Variants in TMEM63A observed in about 807,000 individuals in gnomAD.
The protein encoded by TMEM63A is transmembrane protein 63A, also known as mechanosensitive cation channel TMEM63A.
Under a neutral mutation model 100.6 loss-of-function variants are expected in TMEM63A, and 76 were observed. That is an observed-to-expected ratio of 0.76 (90% confidence interval 0.63 to 0.91). The LOEUF is 0.91. Ranked by LOEUF, TMEM63A falls within the 40% of genes least tolerant of loss-of-function variation. The pLI, the probability that TMEM63A is intolerant of heterozygous loss-of-function variation, is 0.00. For synonymous variants in TMEM63A, 401 were observed against 401.1 expected, an observed-to-expected ratio of 1.00 and a Z score of 0.00; for missense variants, 876 against 1,008.8, an observed-to-expected ratio of 0.87 and a Z score of 1.78.
At chr1:225,843,000 C>G (rs960735202), downstream of TMEM63A, among the ~76,000 whole-genome samples, 3 of 152,208 alleles carry the variant, frequency 2.0e-5, no homozygotes, top group African/African-American at 7.2e-5. Flanking sequence ...GGGCCCATCC[C>G]TTTATTCCTT....
At chr1:225,844,461 G>A, downstream of TMEM63A, 3 of 1,480,334 alleles carry the variant, frequency 2.0e-6, no homozygotes, top group Middle Eastern at 5.6e-4. Flanking sequence ...AACTGCATGT[G>A]GCACTGAGAG....
At position 225,848,983 on chromosome 1, in the gene TMEM63A, A is replaced by G; in HGVS notation, c.2101T>C (p.Phe701Leu). Residue 701 changes from phenylalanine (F) to leucine (L), a missense_variant, in exon 22 of 25, where the codon TTC (phenylalanine) becomes CTC (leucine). By Grantham distance (22) the Phe-to-Leu change is conservative. Transcript: ENST00000366835. Reference sequence around the variant, plus strand: ...AGGATGGTGAGCAGCAGCACCAGGAAGGTGAACAGAGTGGCGGGGGCCTTC... The same window carrying G: ...AGGATGGTGAGCAGCAGCACCAGGAGGGTGAACAGAGTGGCGGGGGCCTTC... ...GMKAPATLFT[F>L]LVLLLTILVC... 7.2e-7 allele frequency: 1 copy of G among 1,398,466 alleles called. No individual in the cohort carries two copies. The highest frequency in any genetic ancestry group is 9.6e-7 in the Non-Finnish European group (1 of 1,045,676). 86.6% of individuals were successfully genotyped at this position (1,398,466 alleles called of 1,614,324 possible). A position where few individuals can be genotyped will look rare whatever the true frequency, so the allele number is the denominator to read the frequency against.
intron 6 of TMEM63A, among the ~76,000 whole-genome samples, chr1:225,869,290 T>C (rs1361879293): frequency 1.3e-5 from 2 of 152,222 alleles, no homozygotes; most frequent in Non-Finnish European, 2.9e-5. Context: ...CTCAGAAATA[T>C]GCCTGTTCAT....
chr1:225,859,264 T>C lies in TMEM63A; in HGVS notation c.1309A>G (p.Thr437Ala), dbSNP rs149848059. The change falls in exon 15 of 25, where the codon ACC (threonine) becomes GCC (alanine). Residue 437 changes from threonine (T) to alanine (A), a missense_variant. By Grantham distance (58) the Thr-to-Ala change is moderately conservative. This residue lies in a region of TMEM63A where 487 missense variants were observed against 581.9 expected (regional missense o/e 0.84). Transcript: ENST00000366835. ...FTLFLGLFFL[T>A]TPSIILSTMD... Reference sequence around the variant, plus strand: ...GTGGACAGGATGATGGAGGGTGTGGTCAGGAAAAATAGCCCCAGGAAGAGG... The same window carrying C: ...GTGGACAGGATGATGGAGGGTGTGGCCAGGAAAAATAGCCCCAGGAAGAGG... The C allele has an allele frequency of 6.6e-4, 1,061 of 1,613,992 alleles. 3 individuals are homozygous for C. The highest frequency in any genetic ancestry group is 3.1e-3 in the Middle Eastern group (19 of 6,062).
At chr1:225,874,184 C>T in intron 4 of TMEM63A, 104 bp downstream of exon 4, 1 of 1,152,488 alleles carries the variant, frequency 8.7e-7, no homozygotes, top group South Asian at 1.5e-5. Context: ...CACACACACA[C>T]TATACACACA....
intron 23 of TMEM63A, chr1:225,848,115 T>C (rs564394714): frequency 4.8e-6 from 1 of 209,474 alleles, no homozygotes; most frequent in African/African-American, 2.3e-5. Context: ...TGGAGCCTAG[T>C]GGAGGACCTC....
rs993149146 is a variant in TMEM63A at position 225,865,748 on chromosome 1, C to T, written c.746+149G>A. Reference sequence around the variant, plus strand: ...TGGCACACAGGAGCCACTCCATACACGTGTGGCAGGGCCAGGTCCTTCTCA... The same window carrying T: ...TGGCACACAGGAGCCACTCCATACATGTGTGGCAGGGCCAGGTCCTTCTCA... On this transcript the variant is annotated intron_variant, in intron 10 of 24. Coordinates refer to ENST00000366835, the MANE Select transcript of TMEM63A (RefSeq NM_014698.3). The surrounding 1 kb of genome is among the most constrained non-coding windows in gnomAD (Gnocchi z 4.6). 2.2e-5 allele frequency: 16 copies of T among 736,714 alleles called. No individual in the cohort carries two copies. Among genetic ancestry groups the T allele is most frequent in the East Asian group, 1.1e-4 (4 of 36,408 alleles). 45.6% of individuals were successfully genotyped at this position (736,714 alleles called of 1,614,324 possible).
Position 225,882,341 on chromosome 1 carries a change from G to A in TMEM63A, c.-243C>T, listed in dbSNP as rs1005639286. On this transcript the variant is annotated 5_prime_UTR_variant, in exon 1 of 25. Transcript: ENST00000366835. ...CGTGTCTGGCGGGACCCAGCAGCGC[G>A]GGGCGTGTTCCGACCACTTAAAAGT... The A allele has an allele frequency of 1.3e-5, 2 of 152,674 alleles. No individual in the cohort carries two copies. The highest frequency in any genetic ancestry group is 4.8e-5 in the African/African-American group (2 of 41,480). The allele number at this position is 152,674 out of a possible 1,614,324, so 9.5% of individuals were successfully genotyped here.
At chr1:225,876,654 TTG>T (rs1559052681) in intron 3 of TMEM63A, among the ~76,000 whole-genome samples, 32 of 39,386 alleles carry the variant, frequency 8.1e-4, no homozygotes, top group East Asian at 7.4e-3. Context: ...TTTTGTTTTT[TTG>T]GTTTTTTTTG....
intron 18 of TMEM63A, among the ~76,000 whole-genome samples, chr1:225,854,280 G>A (rs1039477909): frequency 1.2e-4 from 19 of 152,228 alleles, no homozygotes; most frequent in African/African-American, 3.9e-4. Flanking sequence ...AGCAGTGGGC[G>A]AGGGGAGGCA....
At chr1:225,869,488 A>T (rs900810637) in intron 6 of TMEM63A, among the ~76,000 whole-genome samples, 1 of 152,052 alleles carries the variant, frequency 6.6e-6, no homozygotes, top group African/African-American at 2.4e-5. Flanking sequence ...CATTTACAAC[A>T]TGCTCTCACA....
chr1:225,848,475 T>A lies in TMEM63A; in HGVS notation c.2250+17A>T. 1 of 1,613,762 alleles carries A rather than the reference T, an allele frequency of 6.2e-7. No individual in the cohort carries two copies. The highest frequency in any genetic ancestry group is 8.5e-7 in the Non-Finnish European group (1 of 1,179,908). On this transcript the variant is annotated intron_variant, in intron 23 of 24. Coordinates refer to ENST00000366835, the MANE Select transcript of TMEM63A (RefSeq NM_014698.3). ...AAAAAAGGGCGACAAGCTCAGAGGC[T>A]GAGGGGCACAGCTTACTGTGAACGG... is the stretch of plus-strand genomic sequence containing the variant.
rs750164548 is a variant in TMEM63A at position 225,853,827 on chromosome 1, G to T, written c.1635-36C>A. ...CAGGGCCCAGGTCTGTGAGCTGAGA[G>T]CCGCTCTTGGAGGGAGAGGAGGGGC... On this transcript the variant is annotated intron_variant, in intron 18 of 24. Coordinates refer to ENST00000366835, the MANE Select transcript of TMEM63A (RefSeq NM_014698.3). The surrounding 1 kb of genome is among the most constrained non-coding windows in gnomAD (Gnocchi z 4.0). The T allele has an allele frequency of 6.5e-7, 1 of 1,544,666 alleles. No individual in the cohort carries two copies. Among genetic ancestry groups the T allele is most frequent in the Admixed American group, 2.0e-5 (1 of 50,364 alleles).
intron 1 of TMEM63A, among the ~76,000 whole-genome samples, chr1:225,881,645 C>T (rs1671094781): frequency 6.6e-6 from 1 of 152,210 alleles, no homozygotes. Flanking sequence ...GGGTCCGCCA[C>T]GCTGTCCACC....
At position 225,862,394 on chromosome 1, in the gene TMEM63A, T is replaced by C. The variant is rs879725326; in HGVS notation, c.952-43A>G. ...CCATTGGGATGACGTGGCCCCATGC[T>C]GGTATCTGGGGCACCCCGATGCCAA... On this transcript the variant is annotated intron_variant, in intron 12 of 24. Coordinates refer to ENST00000366835, the MANE Select transcript of TMEM63A (RefSeq NM_014698.3). The surrounding 1 kb of genome is among the most constrained non-coding windows in gnomAD (Gnocchi z 5.1). 1 of 1,613,998 alleles carries C rather than the reference T, an allele frequency of 6.2e-7. No homozygotes were observed. The highest frequency in any genetic ancestry group is 8.5e-7 in the Non-Finnish European group (1 of 1,179,836).
chr1:225,854,754 T>C (rs968071432), intron 18 of TMEM63A, among the ~76,000 whole-genome samples: 1 of 152,156 alleles, frequency 6.6e-6, no homozygotes, highest in Non-Finnish European at 1.5e-5. Flanking sequence ...AGCAGTATCA[T>C]GGCATGGAAG....
Position 225,865,796 on chromosome 1 carries a change from G to T in TMEM63A, c.746+101C>A. 1.6e-6 allele frequency: 2 copies of T among 1,222,212 alleles called. No individual in the cohort carries two copies. Among genetic ancestry groups the T allele is most frequent in the South Asian group, 1.3e-5 (1 of 77,166 alleles). The allele number at this position is 1,222,212 out of a possible 1,614,324, so 75.7% of individuals were successfully genotyped here. Reference sequence around the variant, plus strand: ...TCAGATCTCACCTGGATACCCAAGCGAGAGACAGAAGGCGCTCACCTAAGG... The same window carrying T: ...TCAGATCTCACCTGGATACCCAAGCTAGAGACAGAAGGCGCTCACCTAAGG... On this transcript the variant is annotated intron_variant, in intron 10 of 24. Coordinates refer to ENST00000366835, the MANE Select transcript of TMEM63A (RefSeq NM_014698.3). The surrounding 1 kb of genome is among the most constrained non-coding windows in gnomAD (Gnocchi z 4.6).
At position 225,867,090 on chromosome 1, in the gene TMEM63A, T is replaced by C; in HGVS notation, c.566+22A>G. The C allele has an allele frequency of 6.2e-7, 1 of 1,613,880 alleles. No homozygotes were observed. The highest frequency in any genetic ancestry group is 8.5e-7 in the Non-Finnish European group (1 of 1,179,886). ...CCTTGATCTCACCCATCAGCACCTA[T>C]CCCCACGGGCTCCATACTCACTCAG... On this transcript the variant is annotated intron_variant, in intron 8 of 24. Transcript: ENST00000366835. The surrounding 1 kb of genome is among the most constrained non-coding windows in gnomAD (Gnocchi z 4.6).
At chr1:225,880,344 G>A (rs1040107865) in intron 1 of TMEM63A, among the ~76,000 whole-genome samples, 2 of 152,128 alleles carry the variant, frequency 1.3e-5, no homozygotes, top group Non-Finnish European at 2.9e-5. Context: ...CTCTCCATGG[G>A]ACAGCTCCTC....
Sources: gnomAD v4.1 joint callset for allele counts (sites outside exome capture counted in the v4.1 genomes callset) on GRCh38, gnomAD v4.1.1 for gene constraint, gnomAD v4.1.1 regional missense constraint, Gnocchi (gnomAD v3.1) non-coding constraint, MANE v1.5 for transcripts, NCBI Gene and HGNC (gene_info 2026-07-23, HGNC 2026-07-21) for gene names.